Variants in PDE4D observed in about 807,000 individuals in gnomAD.
The protein encoded by PDE4D is 3',5'-cyclic-AMP phosphodiesterase 4D.
PDE4D carries 24 observed loss-of-function variants against 87.4 expected under a neutral mutation model. That is an observed-to-expected ratio of 0.27 (90% CI 0.20 to 0.39). The LOEUF is 0.39. Ranked by LOEUF, PDE4D falls within the 10% of genes least tolerant of loss-of-function variation. The pLI, the probability that PDE4D is intolerant of heterozygous loss-of-function variation, is 1.00. For missense variants in PDE4D, 714 were observed against 1,041.0 expected (o/e 0.69, Z 4.32); for synonymous variants, 384 against 383.2 (o/e 1.00, Z -0.02).
rs1743242596 is a variant in PDE4D at position 58,974,619 on chromosome 5, A to G, written c.*45T>C. 6.7e-7 allele frequency: 1 copy of G among 1,500,470 alleles called. No individual in the cohort carries two copies. Among genetic ancestry groups the G allele is most frequent in the Non-Finnish European group, 8.9e-7 (1 of 1,121,830 alleles). The allele number at this position is 1,500,470 out of a possible 1,614,324, so 92.9% of individuals were successfully genotyped here. Reference sequence around the variant, plus strand: ...GCATGTGACATGCACTTTGGAAACAATTTTTCTACTTAAAAAAAAAAAAGG... The same window carrying G: ...GCATGTGACATGCACTTTGGAAACAGTTTTTCTACTTAAAAAAAAAAAAGG... On this transcript the variant is annotated 3_prime_UTR_variant, in exon 15 of 15. Coordinates refer to ENST00000340635, the MANE Select transcript of PDE4D (RefSeq NM_001104631.2).
chr5:59,696,192 A>G lies in PDE4D; in HGVS notation c.455+196976T>C, dbSNP rs1020992452. Among the ~76,000 whole-genome samples the G allele has an allele frequency of 4.6e-5, 7 of 152,320 alleles. 1 individual carries two copies. The highest frequency in any genetic ancestry group is 1.2e-4 in the African/African-American group (5 of 41,576). ...AGAAGGTAGGGGCATCTGGGAAATG[A>G]AAGGCTGAAAGTAAATAATATGAGA... On this transcript the variant is annotated intron_variant, in intron 1 of 14. Coordinates refer to ENST00000340635, the MANE Select transcript of PDE4D (RefSeq NM_001104631.2).
intron 1 of PDE4D, among the ~76,000 whole-genome samples, chr5:60,331,646 T>A (rs1245610793): frequency 6.6e-6 from 1 of 152,188 alleles, no homozygotes; most frequent in African/African-American, 2.4e-5. Flanking sequence ...TTAGGGGATA[T>A]GATTACTTGG....
At chr5:60,335,330 G>A (rs1424496190) in intron 1 of PDE4D, among the ~76,000 whole-genome samples, 2 of 152,222 alleles carry the variant, frequency 1.3e-5, no homozygotes, top group African/African-American at 4.8e-5. Flanking sequence ...TGAAGTCAGA[G>A]AGTGAAAAAT....
At chr5:60,115,255 T>G (rs1467751030) in intron 2 of PDE4D, among the ~76,000 whole-genome samples, 2 of 152,102 alleles carry the variant, frequency 1.3e-5, no homozygotes, top group East Asian at 1.9e-4. Flanking sequence ...TTGATCCATT[T>G]CATAGGCAGT....
intron 2 of PDE4D, among the ~76,000 whole-genome samples, chr5:60,155,718 G>A (rs1781908259): frequency 6.6e-6 from 1 of 152,154 alleles, no homozygotes; most frequent in African/African-American, 2.4e-5. Flanking sequence ...AGAGGTTCAG[G>A]TAGAATAAAT....
At chr5:59,118,988 T>C (rs1255367563) in intron 5 of PDE4D, among the ~76,000 whole-genome samples, 2 of 152,070 alleles carry the variant, frequency 1.3e-5, no homozygotes, top group African/African-American at 2.4e-5. Flanking sequence ...CAATTTAAAC[T>C]GTTTTTAAGA....
At chr5:59,051,295 C>A (rs1761513971) in intron 5 of PDE4D, among the ~76,000 whole-genome samples, 1 of 152,170 alleles carries the variant, frequency 6.6e-6, no homozygotes, top group African/African-American at 2.4e-5. Flanking sequence ...ATCAATTGAA[C>A]CCTGGAGGTG....
intron 6 of PDE4D, among the ~76,000 whole-genome samples, chr5:59,008,420 T>G (rs1580253840): frequency 8.1e-6 from 1 of 123,646 alleles, no homozygotes. Flanking sequence ...ATATAATCTT[T>G]TACACATATC....
intron 1 of PDE4D, among the ~76,000 whole-genome samples, chr5:59,534,361 T>C (rs1408527942): frequency 6.6e-6 from 1 of 152,190 alleles, no homozygotes; most frequent in African/African-American, 2.4e-5. Flanking sequence ...GTATGGTCTA[T>C]AGTTTTATTT....
chr5:60,482,855 A>G (rs1222488530), intron 1 of PDE4D, among the ~76,000 whole-genome samples: 1 of 152,182 alleles, frequency 6.6e-6, no homozygotes, highest in African/African-American at 2.4e-5. Context: ...TGTTATTACC[A>G]TATCTTCCAT....
At chr5:59,032,984 G>A (rs1043527099) in intron 6 of PDE4D, among the ~76,000 whole-genome samples, 2 of 152,122 alleles carry the variant, frequency 1.3e-5, no homozygotes, top group Non-Finnish European at 2.9e-5. Flanking sequence ...TCTTTTCACT[G>A]TACAAAGCTG....
chr5:59,828,857 C>G (rs550828695), intron 1 of PDE4D, among the ~76,000 whole-genome samples: 1 of 151,972 alleles, frequency 6.6e-6, no homozygotes, highest in East Asian at 1.9e-4. Context: ...ATTAGAGGAC[C>G]GGCAGGTAGG....
chr5:60,205,264 C>T (rs1742369884), intron 1 of PDE4D, among the ~76,000 whole-genome samples: 1 of 152,150 alleles, frequency 6.6e-6, no homozygotes, highest in African/African-American at 2.4e-5. Context: ...CCATGGGGTG[C>T]CACCTGTGAG....
At chr5:59,599,404 A>AT (rs926771415) in intron 1 of PDE4D, among the ~76,000 whole-genome samples, 21 of 148,998 alleles carry the variant, frequency 1.4e-4, no homozygotes, top group South Asian at 2.1e-4. Flanking sequence ...TTATTTATTT[A>AT]TTTTTTTTTT....
intron 1 of PDE4D, among the ~76,000 whole-genome samples, chr5:59,784,885 A>G (rs965774695): frequency 5.3e-5 from 8 of 151,962 alleles, no homozygotes; most frequent in African/African-American, 1.9e-4. Context: ...ATGGCTTTAT[A>G]AGGGGAAACC....
At chr5:60,468,376 C>T (rs1747552988) in intron 1 of PDE4D, among the ~76,000 whole-genome samples, 1 of 151,924 alleles carries the variant, frequency 6.6e-6, no homozygotes, top group African/African-American at 2.4e-5. Context: ...TGAGTTCAAA[C>T]AACCCACCTG....
chr5:58,990,683 T>C (rs548923470), intron 9 of PDE4D, 121 bp downstream of exon 9: 1 of 594,894 alleles, frequency 1.7e-6, no homozygotes, highest in Admixed American at 3.0e-5. Flanking sequence ...CAAATAAGGA[T>C]AAAAGTATAA....
At chr5:59,999,542 C>CAAAAAAAAAAAAAAAAAAAAAAA (rs1561963189) in intron 2 of PDE4D, among the ~76,000 whole-genome samples, 1 of 88,354 alleles carries the variant, frequency 1.1e-5, no homozygotes, top group African/African-American at 4.3e-5. Context: ...AAAAAAAAAA[C>CAAAAAAAAAAAAAAAAAAAAAAA]AAAACAAAAC....
At chr5:59,615,850 G>A (rs866979929) in intron 1 of PDE4D, among the ~76,000 whole-genome samples, 4 of 152,098 alleles carry the variant, frequency 2.6e-5, no homozygotes, top group Non-Finnish European at 5.9e-5. Context: ...ATCTTACAGC[G>A]AAGTATAGGT....
Sources: gnomAD v4.1 joint callset for allele counts (sites outside exome capture counted in the v4.1 genomes callset) on GRCh38, gnomAD v4.1.1 for gene constraint, MANE v1.5 for transcripts, NCBI Gene and HGNC (gene_info 2026-07-23, HGNC 2026-07-21) for gene names.